GRID2: variants seen among roughly 807,000 people sequenced by gnomAD.
GRID2 encodes glutamate ionotropic receptor delta type subunit 2.
A neutral mutation model predicts 114.8 loss-of-function variants in GRID2; 33 were observed. The observed-to-expected ratio is 0.29, with a 90% CI of 0.22 to 0.38. The LOEUF is 0.38. Ranked by LOEUF, GRID2 falls within the 10% of genes least tolerant of loss-of-function variation. The pLI is 1.00. For synonymous variants in GRID2, 505 were observed against 449.9 expected, an observed-to-expected ratio of 1.12 and a Z score of -1.55; for missense variants, 1,184 against 1,257.7, an observed-to-expected ratio of 0.94 and a Z score of 0.89.
chr4:93,306,844 A>G (rs1755476712), intron 8 of GRID2, among the ~76,000 whole-genome samples: 1 of 152,238 alleles, frequency 6.6e-6, no homozygotes, highest in African/African-American at 2.4e-5. Context: ...CTTGGTAACT[A>G]TAATAAAGGT....
At chr4:92,578,323 G>A (rs1279495525) in intron 1 of GRID2, among the ~76,000 whole-genome samples, 1 of 122,388 alleles carries the variant, frequency 8.2e-6, no homozygotes, top group Non-Finnish European at 1.6e-5. Flanking sequence ...CCGTGTCCAT[G>A]TGTTCTCATT....
chr4:92,871,010 G>T (rs1745233994), intron 2 of GRID2, among the ~76,000 whole-genome samples: 2 of 151,962 alleles, frequency 1.3e-5, no homozygotes, highest in Non-Finnish European at 2.9e-5. Context: ...TTTTCATTAA[G>T]ATGGATGGAT....
chr4:92,736,632 T>C (rs1736612070), intron 2 of GRID2, among the ~76,000 whole-genome samples: 2 of 152,096 alleles, frequency 1.3e-5, no homozygotes, highest in Admixed American at 6.6e-5. Context: ...ACTTAGGCTT[T>C]TGTCCATTTA....
chr4:93,798,211 T>C (rs114391561), intron 1 of GRID2, among the ~76,000 whole-genome samples: 2,268 of 152,114 alleles, frequency 0.015, 53 homozygotes, highest in African/African-American at 0.051. Flanking sequence ...TTGTGGAGAT[T>C]GTGCTGTCAA....
At chr4:92,651,029 G>A (rs1271240539) in intron 2 of GRID2, among the ~76,000 whole-genome samples, 3 of 152,040 alleles carry the variant, frequency 2.0e-5, no homozygotes, top group African/African-American at 7.2e-5. Flanking sequence ...GCCCATGACT[G>A]CATTTATTTG....
At position 92,585,613 on chromosome 4, in the gene GRID2, T is replaced by C. The variant is rs192703762; in HGVS notation, c.89-4518T>C. The stretch of plus-strand genomic sequence containing the variant: ...ATAAGGTTGTTATAGAATATGTATA[T>C]CTTCCAATAATTCTATTCGCTGTGG... On this transcript the variant is annotated intron_variant, in intron 1 of 15. Coordinates refer to ENST00000282020, the MANE Select transcript of GRID2 (RefSeq NM_001510.4). Among the ~76,000 whole-genome samples the C allele has an allele frequency of 1.9e-3, 293 of 152,130 alleles. 1 individual carries two copies. The highest frequency in any genetic ancestry group is 6.9e-3 in the African/African-American group (285 of 41,572).
intron 1 of GRID2, among the ~76,000 whole-genome samples, chr4:92,445,977 C>T (rs531886322): frequency 1.3e-5 from 2 of 152,268 alleles, no homozygotes; most frequent in African/African-American, 4.8e-5. Context: ...CAGAGTCTCC[C>T]TCTGTAGCCC....
intron 13 of GRID2, among the ~76,000 whole-genome samples, chr4:93,585,468 T>C (rs1302507950): frequency 2.0e-5 from 3 of 152,100 alleles, no homozygotes; most frequent in Non-Finnish European, 2.9e-5. Flanking sequence ...TAACTTTTTT[T>C]CCCACAAAGT....
At chr4:93,723,652 G>T (rs967452477) in intron 14 of GRID2, among the ~76,000 whole-genome samples, 1 of 152,142 alleles carries the variant, frequency 6.6e-6, no homozygotes, top group South Asian at 2.1e-4. Flanking sequence ...TCCCCCAGGG[G>T]ATATAAAGAT....
At chr4:92,972,076 G>A (rs577531827) in intron 2 of GRID2, among the ~76,000 whole-genome samples, 1 of 152,086 alleles carries the variant, frequency 6.6e-6, no homozygotes, top group Admixed American at 6.6e-5. Flanking sequence ...TTACTGGACT[G>A]TAGGATAGTC....
At chr4:93,306,531 GAGA>G (rs1348261274) in intron 8 of GRID2, among the ~76,000 whole-genome samples, 2 of 152,172 alleles carry the variant, frequency 1.3e-5, no homozygotes, top group African/African-American at 4.8e-5. Flanking sequence ...AGCCTTTCTG[GAGA>G]AGATGACTTG....
In GRID2 at chr4:93,756,336, C is replaced by T. The variant is rs142101607; in HGVS notation, c.2361-12874C>T. ...CAATCATGACATTGCTGCTGTGCTG[C>T]GTATTTCACAATCTATGTTTCTTAG... On this transcript the variant is annotated intron_variant, in intron 14 of 15. Transcript: ENST00000282020. Among the ~76,000 whole-genome samples, 1,230 of 152,290 alleles carry T rather than the reference C, an allele frequency of 8.1e-3. 9 individuals carry two copies. The highest frequency in any genetic ancestry group is 0.012 in the Non-Finnish European group (831 of 68,028).
chr4:93,541,523 T>C (rs1245186556), intron 13 of GRID2, among the ~76,000 whole-genome samples: 1 of 152,124 alleles, frequency 6.6e-6, no homozygotes, highest in Non-Finnish European at 1.5e-5. Context: ...ATAAGAATTC[T>C]CTCTCTATCT....
chr4:93,404,509 A>G (rs756192154), intron 9 of GRID2, among the ~76,000 whole-genome samples: 89 of 152,204 alleles, frequency 5.8e-4, no homozygotes, highest in Non-Finnish European at 1.1e-3. Flanking sequence ...AAACTCTATG[A>G]TTCTGTTTCT....
intron 8 of GRID2, among the ~76,000 whole-genome samples, chr4:93,339,033 C>T (rs1261775423): frequency 6.6e-6 from 1 of 152,194 alleles, no homozygotes; most frequent in African/African-American, 2.4e-5. Flanking sequence ...AGCAGCCATA[C>T]AGACAGGTCC....
At chr4:93,364,093 C>T (rs778154087) in intron 8 of GRID2, among the ~76,000 whole-genome samples, 3 of 151,954 alleles carry the variant, frequency 2.0e-5, no homozygotes, top group Non-Finnish European at 4.4e-5. Flanking sequence ...AACAATTTGG[C>T]ATTCTTAGTT....
intron 2 of GRID2, among the ~76,000 whole-genome samples, chr4:92,875,584 A>G (rs1433049230): frequency 6.6e-6 from 1 of 152,220 alleles, no homozygotes; most frequent in Non-Finnish European, 1.5e-5. Context: ...TTAGAAAAAT[A>G]TAGCTAATTC....
chr4:93,707,894 T>G (rs186203818), intron 14 of GRID2, among the ~76,000 whole-genome samples: 318 of 152,068 alleles, frequency 2.1e-3, no homozygotes, highest in Non-Finnish European at 3.6e-3. Flanking sequence ...TTGTTTCCAT[T>G]TTCATTTGTT....
intron 4 of GRID2, among the ~76,000 whole-genome samples, chr4:93,178,883 G>A (rs1739623759): frequency 6.6e-6 from 1 of 152,150 alleles, no homozygotes; most frequent in African/African-American, 2.4e-5. Flanking sequence ...GTCTATGAGA[G>A]TTTGTGAGGG....
Sources: allele counts gnomAD v4.1 joint callset (sites outside exome capture counted in the v4.1 genomes callset), GRCh38; gene constraint gnomAD v4.1.1; transcripts MANE v1.5; gene names NCBI Gene and HGNC (gene_info 2026-07-23, HGNC 2026-07-21).